CNTN5: variants seen among roughly 807,000 people sequenced by gnomAD.
CNTN5 encodes contactin 5, also known as contactin-5.
A neutral mutation model predicts 129.1 loss-of-function variants in CNTN5; 77 were observed. The ratio of observed to expected loss-of-function variants is 0.60; its 90% CI spans 0.50 to 0.72. The LOEUF (loss-of-function observed/expected upper bound fraction) is 0.72, where lower values mean the gene tolerates loss of function less well. Among genes scored for constraint, CNTN5 ranks in the 30% least tolerant of loss-of-function variants. CNTN5 has a pLI of 0.00. For synonymous variants in CNTN5, 509 were observed against 465.6 expected (o/e 1.09, Z -1.20); for missense variants, 1,478 against 1,328.8 (o/e 1.11, Z -1.75).
intron 3 of CNTN5, among the ~76,000 whole-genome samples, chr11:99,707,085 A>G (rs573517738): frequency 6.6e-6 from 1 of 151,666 alleles, no homozygotes; most frequent in South Asian, 2.1e-4. Context: ...TGCACCTGCC[A>G]TAAATTCCTC....
rs116890882 is a variant in CNTN5, at chr11:99,868,903, G to A, written c.577+23641G>A. On this transcript the variant is annotated intron_variant, in intron 6 of 24. Transcript: ENST00000524871. ...TAGGTACATTAGTCTGACAGCAGTG[G>A]GAAGAATGGGAAAGAAAAGAAGTAG... is the stretch of plus-strand genomic sequence containing the variant. 1.2e-3 allele frequency among the ~76,000 whole-genome samples: 187 copies of A among 152,172 alleles called. 1 individual carries two copies. Among genetic ancestry groups the A allele is most frequent in the Non-Finnish European group, 1.8e-3 (123 of 68,014 alleles).
intron 1 of CNTN5, among the ~76,000 whole-genome samples, chr11:99,042,365 C>CTTTTTCTTTT (rs1864022938): frequency 1.2e-5 from 1 of 83,798 alleles, no homozygotes; most frequent in African/African-American, 5.0e-5. Context: ...TCTTCTTCTT[C>CTTTTTCTTTT]TTTTTTTTTT....
intron 13 of CNTN5, among the ~76,000 whole-genome samples, chr11:100,110,927 C>T (rs193185564): frequency 1.2e-4 from 18 of 151,840 alleles, no homozygotes; most frequent in Admixed American, 3.3e-4. Context: ...CCTGATAGTG[C>T]AGTCCATTGA....
chr11:99,124,851 A>G (rs188849441), intron 1 of CNTN5, among the ~76,000 whole-genome samples: 3 of 152,144 alleles, frequency 2.0e-5, no homozygotes, highest in Admixed American at 1.3e-4. Context: ...TTGAACACAA[A>G]CTAGAAAAGC....
At chr11:99,303,400 T>C (rs1241942702) in intron 1 of CNTN5, among the ~76,000 whole-genome samples, 3 of 151,680 alleles carry the variant, frequency 2.0e-5, no homozygotes, top group Non-Finnish European at 4.4e-5. Context: ...ACTGTACAAT[T>C]ATTAATTAGT....
intron 2 of CNTN5, among the ~76,000 whole-genome samples, chr11:99,543,994 G>A (rs1209482439): frequency 6.6e-6 from 1 of 150,880 alleles, no homozygotes; most frequent in South Asian, 2.1e-4. Flanking sequence ...TCTAAATATA[G>A]GGACATTGTG....
intron 1 of CNTN5, among the ~76,000 whole-genome samples, chr11:99,035,708 T>C (rs1863685728): frequency 6.6e-6 from 1 of 151,652 alleles, no homozygotes; most frequent in African/African-American, 2.4e-5. Flanking sequence ...CACTGATGGG[T>C]CTTGACTCTT....
At chr11:100,171,435 T>C (rs941670240) in intron 13 of CNTN5, among the ~76,000 whole-genome samples, 2 of 152,022 alleles carry the variant, frequency 1.3e-5, no homozygotes, top group Non-Finnish European at 2.9e-5. Context: ...TTACAATTCT[T>C]TACGAATATT....
intron 1 of CNTN5, among the ~76,000 whole-genome samples, chr11:99,030,780 CTT>C (rs71305325): frequency 4.2e-5 from 5 of 120,240 alleles, no homozygotes; most frequent in Admixed American, 2.0e-4. Flanking sequence ...TGCTAACTCT[CTT>C]TTTTTTTTTT....
chr11:99,599,293 C>A (rs1165894864), intron 3 of CNTN5, among the ~76,000 whole-genome samples: 1 of 151,858 alleles, frequency 6.6e-6, no homozygotes, highest in African/African-American at 2.4e-5. Context: ...AATGTCTCCA[C>A]CTTTCATAGG....
At chr11:100,352,829 T>A (rs1201749224) in intron 24 of CNTN5, among the ~76,000 whole-genome samples, 1 of 151,766 alleles carries the variant, frequency 6.6e-6, no homozygotes, top group Non-Finnish European at 1.5e-5. Flanking sequence ...TTCAAGAGCA[T>A]CTTAAAAGAC....
intron 13 of CNTN5, among the ~76,000 whole-genome samples, chr11:100,126,671 G>C (rs1946193828): frequency 6.6e-6 from 1 of 152,042 alleles, no homozygotes; most frequent in Admixed American, 6.6e-5. Context: ...GCCTATGTAT[G>C]TCATTACATG....
At chr11:99,942,959 T>C (rs113304471) in intron 7 of CNTN5, among the ~76,000 whole-genome samples, 3,191 of 152,178 alleles carry the variant, frequency 0.021, 119 homozygotes, top group African/African-American at 0.073. Context: ...TTGATAAGTA[T>C]TTGGGTTGGT....
chr11:100,120,090 T>G (rs1025109444), intron 13 of CNTN5, among the ~76,000 whole-genome samples: 1 of 53,214 alleles, frequency 1.9e-5, no homozygotes, highest in Non-Finnish European at 3.0e-5. Context: ...GATTGTATAA[T>G]ATCTCCTTTA....
intron 3 of CNTN5, among the ~76,000 whole-genome samples, chr11:99,602,740 G>C (rs1435131764): frequency 6.6e-6 from 1 of 151,222 alleles, no homozygotes; most frequent in East Asian, 2.0e-4. Flanking sequence ...CCAGCACGCA[G>C]CTGGAGATCT....
intron 2 of CNTN5, among the ~76,000 whole-genome samples, chr11:99,534,510 T>C (rs1354974526): frequency 1.2e-5 from 1 of 86,818 alleles, no homozygotes; most frequent in Non-Finnish European, 3.1e-5. Flanking sequence ...AATTTGGGCA[T>C]AGTTAGAATA....
At chr11:100,127,166 C>G (rs1946215778) in intron 13 of CNTN5, among the ~76,000 whole-genome samples, 1 of 136,482 alleles carries the variant, frequency 7.3e-6, no homozygotes, top group Non-Finnish European at 1.5e-5. Context: ...TCTCAAACCT[C>G]TGGTCTCAAT....
intron 10 of CNTN5, 99 bp from the exon 11 acceptor site, chr11:100,070,325 C>G: frequency 7.8e-7 from 1 of 1,279,180 alleles, no homozygotes; most frequent in Non-Finnish European, 1.1e-6. Context: ...GAATGAATTG[C>G]TTTTAAAAAA....
At chr11:99,754,262 C>T (rs903651563) in intron 3 of CNTN5, among the ~76,000 whole-genome samples, 4 of 152,154 alleles carry the variant, frequency 2.6e-5, no homozygotes, top group African/African-American at 9.7e-5. Flanking sequence ...CTTAACAGTT[C>T]ATGAATACAA....
Sources: gnomAD v4.1 joint callset for allele counts (sites outside exome capture counted in the v4.1 genomes callset) on GRCh38, gnomAD v4.1.1 for gene constraint, MANE v1.5 for transcripts, NCBI Gene and HGNC (gene_info 2026-07-23, HGNC 2026-07-21) for gene names.